The following CDH13 variants were observed in gnomAD, a reference collection of about 807,000 sequenced individuals.
CDH13 encodes the protein cadherin 13, also known as cadherin-13.
In CDH13, 24 loss-of-function variants were observed where a neutral mutation model predicts 63.8. The observed-to-expected ratio is 0.38, with a 90% CI of 0.27 to 0.53. The LOEUF is 0.53. Ranked by LOEUF, CDH13 falls within the 20% of genes least tolerant of loss-of-function variation. The pLI, the probability that CDH13 is intolerant of heterozygous loss-of-function variation, is 0.85. For missense variants in CDH13, 1,049 were observed against 903.1 expected, an observed-to-expected ratio of 1.16 and a Z score of -2.07; for synonymous variants, 503 against 355.3, an observed-to-expected ratio of 1.42 and a Z score of -4.67.
At chr16:82,667,812 C>T (rs939354729) in intron 1 of CDH13, among the ~76,000 whole-genome samples, 1 of 152,154 alleles carries the variant, frequency 6.6e-6, no homozygotes, top group Non-Finnish European at 1.5e-5. Flanking sequence ...GTACCTCTGT[C>T]TTGCTATGTC....
chr16:82,683,900 G>A (rs565083972), intron 1 of CDH13, among the ~76,000 whole-genome samples: 3 of 152,176 alleles, frequency 2.0e-5, no homozygotes, highest in African/African-American at 7.2e-5. Context: ...GATAAAAATT[G>A]TGCGCTTTTT....
At chr16:83,403,946 G>A (rs1324986992) in intron 6 of CDH13, among the ~76,000 whole-genome samples, 2 of 152,216 alleles carry the variant, frequency 1.3e-5, no homozygotes, top group Admixed American at 1.3e-4. Flanking sequence ...ACAGCCAAAT[G>A]TTTGCACCTA....
chr16:83,303,379 G>T (rs2089795620), intron 5 of CDH13, among the ~76,000 whole-genome samples: 1 of 152,190 alleles, frequency 6.6e-6, no homozygotes, highest in African/African-American at 2.4e-5. Context: ...GAGAGATTGA[G>T]TCAATGTGTC....
intron 4 of CDH13, among the ~76,000 whole-genome samples, chr16:83,159,939 G>C (rs949414286): frequency 2.0e-5 from 3 of 152,100 alleles, no homozygotes; most frequent in African/African-American, 7.2e-5. Flanking sequence ...AGCCGGGCAT[G>C]GTGGTGCATA....
At chr16:83,414,884 C>G (rs372692835) in intron 6 of CDH13, among the ~76,000 whole-genome samples, 2 of 152,068 alleles carry the variant, frequency 1.3e-5, no homozygotes, top group African/African-American at 4.8e-5. Context: ...TGGTAGCTCT[C>G]CAGTAATATC....
chr16:83,306,842 C>T (rs1419885627), intron 5 of CDH13, among the ~76,000 whole-genome samples: 1 of 152,120 alleles, frequency 6.6e-6, no homozygotes, highest in Non-Finnish European at 1.5e-5. Flanking sequence ...AAATTAGACT[C>T]TTCTTTGGAA....
chr16:83,355,254 C>T (rs960050524), intron 6 of CDH13, among the ~76,000 whole-genome samples: 9 of 152,150 alleles, frequency 5.9e-5, no homozygotes, highest in Admixed American at 2.0e-4. Flanking sequence ...TGTGACAAAT[C>T]GGAAAATTCT....
chr16:83,202,912 G>A (rs1294809576), intron 4 of CDH13, among the ~76,000 whole-genome samples: 3 of 152,124 alleles, frequency 2.0e-5, no homozygotes, highest in Admixed American at 6.5e-5. Flanking sequence ...GGAGGGATGG[G>A]GTAGGGCAAG....
At chr16:83,570,970 T>TATAA (rs1491250945) in intron 7 of CDH13, among the ~76,000 whole-genome samples, 118 of 124,310 alleles carry the variant, frequency 9.5e-4, no homozygotes, top group African/African-American at 3.6e-3. Flanking sequence ...TATATATATA[T>TATAA]AAAAACCTTC....
intron 13 of CDH13, among the ~76,000 whole-genome samples, chr16:83,784,881 C>G (rs1442122064): frequency 6.6e-6 from 1 of 152,188 alleles, no homozygotes; most frequent in African/African-American, 2.4e-5. Flanking sequence ...CTCCACCCTC[C>G]TGTCTCAGGT....
At chr16:82,649,897 G>T (rs1048722696) in intron 1 of CDH13, among the ~76,000 whole-genome samples, 1 of 152,148 alleles carries the variant, frequency 6.6e-6, no homozygotes, top group Non-Finnish European at 1.5e-5. Context: ...ATATCCTGGG[G>T]TTCCTGAGAG....
intron 12 of CDH13, among the ~76,000 whole-genome samples, chr16:83,782,770 G>A (rs913910879): frequency 1.3e-5 from 2 of 149,978 alleles, no homozygotes; most frequent in Admixed American, 1.3e-4. Context: ...GACAAAAAAT[G>A]TAGGCTATAG....
intron 3 of CDH13, among the ~76,000 whole-genome samples, chr16:83,073,383 T>C (rs918948163): frequency 7.2e-6 from 1 of 138,108 alleles, no homozygotes; most frequent in African/African-American, 2.7e-5. Context: ...GAGAGCTTTC[T>C]TAATTACCAC....
At chr16:83,738,256 C>T (rs746696518) in intron 10 of CDH13, among the ~76,000 whole-genome samples, 1 of 152,206 alleles carries the variant, frequency 6.6e-6, no homozygotes, top group Non-Finnish European at 1.5e-5. Context: ...CAACACCAAG[C>T]GCGGTGCCTG....
At chr16:83,437,151 A>G (rs1469891393) in intron 6 of CDH13, among the ~76,000 whole-genome samples, 2 of 152,010 alleles carry the variant, frequency 1.3e-5, no homozygotes, top group Non-Finnish European at 1.5e-5. Flanking sequence ...AGGAGAGGCC[A>G]TGGTGTATAA....
intron 4 of CDH13, among the ~76,000 whole-genome samples, chr16:83,195,206 G>A (rs1002664859): frequency 6.6e-6 from 1 of 152,014 alleles, no homozygotes; most frequent in African/African-American, 2.4e-5. Flanking sequence ...GTTAAATGAT[G>A]GTATATCTGT....
At chr16:83,285,070 G>C (rs555617512) in intron 5 of CDH13, among the ~76,000 whole-genome samples, 1 of 151,992 alleles carries the variant, frequency 6.6e-6, no homozygotes, top group East Asian at 1.9e-4. Flanking sequence ...TTCTCCTTGG[G>C]TTTTTGTTTT....
chr16:82,685,749 C>A (rs1431281457), intron 1 of CDH13, among the ~76,000 whole-genome samples: 1 of 152,216 alleles, frequency 6.6e-6, no homozygotes, highest in African/African-American at 2.4e-5. Flanking sequence ...GCTTTTATCT[C>A]TTCCTATGTG....
At chr16:83,637,131 G>A (rs548087377) in intron 8 of CDH13, among the ~76,000 whole-genome samples, 1 of 152,172 alleles carries the variant, frequency 6.6e-6, no homozygotes, top group Admixed American at 6.5e-5. Context: ...TTTAAATACA[G>A]TTTGAACTCA....
Sources: allele counts gnomAD v4.1 joint callset (sites outside exome capture counted in the v4.1 genomes callset), GRCh38; gene constraint gnomAD v4.1.1; transcripts MANE v1.5; gene names NCBI Gene and HGNC (gene_info 2026-07-23, HGNC 2026-07-21).